BCAS3: variants seen among roughly 807,000 people sequenced by gnomAD.
BCAS3 encodes the protein BCAS4/BCAS3 fusion.
Under a neutral mutation model 116.1 loss-of-function variants are expected in BCAS3, and 53 were observed. The ratio of observed to expected loss-of-function variants is 0.46; its 90% CI spans 0.37 to 0.57. The LOEUF (loss-of-function observed/expected upper bound fraction) is 0.57. Ranked by LOEUF, BCAS3 falls within the 20% of genes least tolerant of loss-of-function variation. The pLI, the probability that BCAS3 is intolerant of heterozygous loss-of-function variation, is 0.00. For missense variants in BCAS3, 917 were observed against 1,165.4 expected (o/e 0.79, Z 3.10); for synonymous variants, 391 against 408.2 (o/e 0.96, Z 0.51).
chr17:60,977,771 C>G (rs8066057), intron 14 of BCAS3, among the ~76,000 whole-genome samples: 21,500 of 149,354 alleles, frequency 0.14, 5,046 homozygotes, highest in African/African-American at 0.5. Context: ...TTGTTCTTGC[C>G]ATAGTTTACT....
intron 2 of BCAS3, among the ~76,000 whole-genome samples, chr17:60,683,433 T>C (rs1332057055): frequency 6.8e-6 from 1 of 147,146 alleles, no homozygotes; most frequent in Admixed American, 6.9e-5. Flanking sequence ...CCCATTTACA[T>C]TTAATAACAT....
In BCAS3 at chr17:61,380,627, G is replaced by A. The variant is rs765674768; in HGVS notation, c.2594-11350G>A. 3 of 1,546,704 alleles carry A rather than the reference G, an allele frequency of 1.9e-6. No homozygotes were observed. The highest frequency in any genetic ancestry group is 2.6e-6 in the Non-Finnish European group (3 of 1,136,330). On this transcript the variant is annotated intron_variant, in intron 23 of 23. Transcript: ENST00000407086. This position sits in a 1 kb window ranked among gnomAD's most constrained non-coding sequence, Gnocchi z 4.2. Reference sequence around the variant, plus strand: ...AAGGGGTTGTCCCGTTGCTTCTTTTGTCCCTCAAGAGGGTGCCCTCCTACC... The same window carrying A: ...AAGGGGTTGTCCCGTTGCTTCTTTTATCCCTCAAGAGGGTGCCCTCCTACC...
At chr17:60,924,762 A>AT (rs1165091337) in intron 13 of BCAS3, among the ~76,000 whole-genome samples, 2 of 151,916 alleles carry the variant, frequency 1.3e-5, no homozygotes, top group Non-Finnish European at 1.5e-5. Context: ...AGTTACATGA[A>AT]TTTCTGTTTA....
chr17:60,750,321 GA>G (rs1319413418), intron 6 of BCAS3, among the ~76,000 whole-genome samples: 2 of 151,868 alleles, frequency 1.3e-5, no homozygotes, highest in African/African-American at 2.4e-5. Flanking sequence ...ACTAGGAATA[GA>G]AAAAAAATTT....
chr17:60,702,717 G>T (rs1484359052), intron 4 of BCAS3, among the ~76,000 whole-genome samples: 2 of 152,102 alleles, frequency 1.3e-5, no homozygotes, highest in Non-Finnish European at 2.9e-5. Context: ...AGCCTCCGAA[G>T]TAACTGGGAC....
chr17:61,236,160 T>TA (rs1336225888), intron 22 of BCAS3, among the ~76,000 whole-genome samples: 3 of 152,166 alleles, frequency 2.0e-5, no homozygotes, highest in Non-Finnish European at 4.4e-5. Flanking sequence ...CCAGCTATCA[T>TA]ACGTCAGAAT....
chr17:61,011,306 C>T (rs1366309018), intron 15 of BCAS3, among the ~76,000 whole-genome samples: 1 of 152,022 alleles, frequency 6.6e-6, no homozygotes, highest in African/African-American at 2.4e-5. Flanking sequence ...CCAAGGCAGA[C>T]ACTGCAGGTT....
At position 61,239,514 on chromosome 17, in the gene BCAS3, T is replaced by C. The variant is rs922174969; in HGVS notation, c.2426-128813T>C. Among the ~76,000 whole-genome samples, 1 of 152,256 alleles carries C rather than the reference T, an allele frequency of 6.6e-6. No individual in the cohort carries two copies. The highest frequency in any genetic ancestry group is 1.5e-5 in the Non-Finnish European group (1 of 68,034). On this transcript the variant is annotated intron_variant, in intron 22 of 23. Transcript: ENST00000407086. The surrounding 1 kb of genome is among the most constrained non-coding windows in gnomAD (Gnocchi z 4.2). ...TGGTCTAGTGATGAGTAATTCTTTC[T>C]TTCTGACGTTAATCATTTGCATTTT...
At chr17:60,841,024 T>C (rs1331491828) in intron 7 of BCAS3, among the ~76,000 whole-genome samples, 1 of 152,150 alleles carries the variant, frequency 6.6e-6, no homozygotes, top group Admixed American at 6.5e-5. Context: ...TGTTTCAGAA[T>C]AGATTATATT....
chr17:61,286,454 T>A lies in BCAS3; in HGVS notation c.2426-81873T>A, dbSNP rs1028559305. On this transcript the variant is annotated intron_variant, in intron 22 of 23. Coordinates refer to ENST00000407086, the MANE Select transcript of BCAS3 (RefSeq NM_017679.5). This position sits in a 1 kb window ranked among gnomAD's most constrained non-coding sequence, Gnocchi z 4.8. ...TGGCCAGCAGGATAGAAATCCGACGTGGTGTTTATGACCCTGGAGGCCATC... is the reference window on the plus strand; with the variant it reads ...TGGCCAGCAGGATAGAAATCCGACGAGGTGTTTATGACCCTGGAGGCCATC... 1.2e-4 allele frequency among the ~76,000 whole-genome samples: 19 copies of A among 152,170 alleles called. No individual in the cohort carries two copies. Among genetic ancestry groups the A allele is most frequent in the Non-Finnish European group, 4.4e-5 (3 of 68,032 alleles).
At chr17:60,690,975 C>CA (rs2034738984) in intron 4 of BCAS3, among the ~76,000 whole-genome samples, 1 of 152,018 alleles carries the variant, frequency 6.6e-6, no homozygotes, top group African/African-American at 2.4e-5. Flanking sequence ...CTCTGTCGCC[C>CA]AGGCTGGAGT....
At chr17:61,149,481 A>G (rs1405244739) in intron 22 of BCAS3, among the ~76,000 whole-genome samples, 1 of 152,200 alleles carries the variant, frequency 6.6e-6, no homozygotes, top group African/African-American at 2.4e-5. Flanking sequence ...GTAAAAATAG[A>G]AAATGAAAAT....
Position 60,967,085 on chromosome 17 carries a change from C to G in BCAS3, c.1221+19733C>G, listed in dbSNP as rs1412476520. Among the ~76,000 whole-genome samples, 1 of 152,308 alleles carries G rather than the reference C, an allele frequency of 6.6e-6. No individual in the cohort carries two copies. Among genetic ancestry groups the G allele is most frequent in the Non-Finnish European group, 1.5e-5 (1 of 68,024 alleles). ...ACTAGAGTTATGAGTGGATTGTACA[C>G]CACCATTTCAGTTATAGAGTATTTT... On this transcript the variant is annotated intron_variant, in intron 14 of 23. Transcript: ENST00000407086. The surrounding 1 kb of genome is among the most constrained non-coding windows in gnomAD (Gnocchi z 4.7).
intron 4 of BCAS3, among the ~76,000 whole-genome samples, chr17:60,703,221 G>A (rs1342371252): frequency 6.6e-6 from 1 of 151,910 alleles, no homozygotes; most frequent in Non-Finnish European, 1.5e-5. Flanking sequence ...GTTGCAGTGA[G>A]CTGAGATCGT....
intron 22 of BCAS3, among the ~76,000 whole-genome samples, chr17:61,291,002 G>C (rs185102024): frequency 9.9e-5 from 15 of 152,078 alleles, no homozygotes; most frequent in Non-Finnish European, 1.9e-4. Flanking sequence ...GGATGATCTC[G>C]ATCTCCTGAC....
In BCAS3 at chr17:61,265,318, CG is replaced by C. The variant is rs1183690362; in HGVS notation, c.2426-103008del. 6.6e-6 allele frequency among the ~76,000 whole-genome samples: 1 copy of C among 151,720 alleles called. No individual in the cohort carries two copies. The highest frequency in any genetic ancestry group is 1.5e-5 in the Non-Finnish European group (1 of 67,942). Reference sequence around the variant, plus strand: ...TCCCGGGAGGTTGAGGCAGGAGAATCGTTCGAACCCGAGAGGCAGAGGTTGC... The same window carrying C: ...TCCCGGGAGGTTGAGGCAGGAGAATCTTCGAACCCGAGAGGCAGAGGTTGC... On this transcript the variant is annotated intron_variant, in intron 22 of 23. Coordinates refer to ENST00000407086, the MANE Select transcript of BCAS3 (RefSeq NM_017679.5). The surrounding 1 kb of genome is among the most constrained non-coding windows in gnomAD (Gnocchi z 4.3).
rs2081887266 is a variant in BCAS3 at position 61,217,784 on chromosome 17, T to C, written c.2425+133220T>C. ...TTGCTTCTACTCCTCTAAGCCTTTT[T>C]TCCCCTCCCTTATTAAAAGTAATTT... On this transcript the variant is annotated intron_variant, in intron 22 of 23. Transcript: ENST00000407086. The surrounding 1 kb of genome is among the most constrained non-coding windows in gnomAD (Gnocchi z 5.2). Among the ~76,000 whole-genome samples, 1 of 152,208 alleles carries C rather than the reference T, an allele frequency of 6.6e-6. No individual in the cohort carries two copies. Among genetic ancestry groups the C allele is most frequent in the Non-Finnish European group, 1.5e-5 (1 of 68,036 alleles).
intron 12 of BCAS3, among the ~76,000 whole-genome samples, chr17:60,921,326 A>G (rs2059071451): frequency 6.6e-6 from 1 of 152,204 alleles, no homozygotes; most frequent in Admixed American, 6.5e-5. Flanking sequence ...CAAATACTCC[A>G]TATTCTCACT....
intron 6 of BCAS3, among the ~76,000 whole-genome samples, chr17:60,803,557 T>C (rs1469767433): frequency 6.6e-6 from 1 of 152,086 alleles, no homozygotes; most frequent in African/African-American, 2.4e-5. Context: ...TTTCCTAGAA[T>C]TTTCTGAAGG....
Sources: gnomAD v4.1 joint callset for allele counts (sites outside exome capture counted in the v4.1 genomes callset) on GRCh38, gnomAD v4.1.1 for gene constraint, Gnocchi (gnomAD v3.1) non-coding constraint, MANE v1.5 for transcripts, NCBI Gene and HGNC (gene_info 2026-07-23, HGNC 2026-07-21) for gene names.